ARHGEF3: variants seen among roughly 807,000 people sequenced by gnomAD.
The protein encoded by ARHGEF3 is Rho guanine nucleotide exchange factor 3.
In ARHGEF3, 28 loss-of-function variants were observed where a neutral mutation model predicts 63.2. The ratio of observed to expected loss-of-function variants is 0.44; its 90% CI spans 0.33 to 0.61. The LOEUF (loss-of-function observed/expected upper bound fraction) is 0.61, where lower values mean the gene tolerates loss of function less well. ARHGEF3 is among the 20% of genes least tolerant of loss of function. The pLI is 0.03. For missense variants in ARHGEF3, 533 were observed against 659.3 expected (o/e 0.81, Z 2.10); for synonymous variants, 266 against 254.2 (o/e 1.05, Z -0.44).
chr3:56,914,359 G>C (rs899439215), intron 3 of ARHGEF3, among the ~76,000 whole-genome samples: 9 of 152,292 alleles, frequency 5.9e-5, no homozygotes, highest in African/African-American at 1.9e-4. Flanking sequence ...AAACATGAAA[G>C]CAACCCAAGG....
chr3:56,975,345 G>C (rs1242304499), intron 2 of ARHGEF3, among the ~76,000 whole-genome samples: 1 of 152,056 alleles, frequency 6.6e-6, no homozygotes, highest in Non-Finnish European at 1.5e-5. Flanking sequence ...TTGAACCCAG[G>C]AGGTGGAGGT....
At chr3:57,002,523 G>GTTATATATATATATGTTATATATATA (rs1560123186) in intron 2 of ARHGEF3, among the ~76,000 whole-genome samples, 1 of 27,628 alleles carries the variant, frequency 3.6e-5, no homozygotes, top group African/African-American at 9.2e-5. Flanking sequence ...TGTTATATAT[G>GTTATATATATATATGTTATATATATA]TATGTTATAT....
intron 1 of ARHGEF3, among the ~76,000 whole-genome samples, chr3:56,798,718 G>C (rs1307086975): frequency 6.6e-6 from 1 of 152,054 alleles, no homozygotes; most frequent in Non-Finnish European, 1.5e-5. Flanking sequence ...GGAAGTAGAT[G>C]ACCAATAAAT....
chr3:56,816,528 G>T (rs970058665), intron 4 of ARHGEF3, among the ~76,000 whole-genome samples: 1 of 152,108 alleles, frequency 6.6e-6, no homozygotes, highest in South Asian at 2.1e-4. Context: ...CTTGTACAAG[G>T]CTACATCCCC....
intron 1 of ARHGEF3, among the ~76,000 whole-genome samples, chr3:57,065,723 G>A (rs1404592491): frequency 6.6e-6 from 1 of 152,180 alleles, no homozygotes; most frequent in Non-Finnish European, 1.5e-5. Flanking sequence ...TACAGTTTCT[G>A]TGGCCAGTGA....
At chr3:56,794,258 G>T (rs367819272) in intron 1 of ARHGEF3, among the ~76,000 whole-genome samples, 11 of 152,058 alleles carry the variant, frequency 7.2e-5, no homozygotes, top group Non-Finnish European at 7.4e-5. Flanking sequence ...GAGGCCGAGG[G>T]GGGTGGATTA....
intron 3 of ARHGEF3, among the ~76,000 whole-genome samples, chr3:56,912,008 C>A (rs2041866826): frequency 6.6e-6 from 1 of 151,420 alleles, no homozygotes; most frequent in Non-Finnish European, 1.5e-5. Context: ...TATATATGTT[C>A]ATAAGCAGAA....
At position 56,754,873 on chromosome 3, in the gene ARHGEF3, C is replaced by G. The variant is rs569066115; in HGVS notation, c.375+108G>C. ...ACACTCTTGTTTATCCTTCTGCAAACGCAATGAAGAATTGATTTGGAGACT... is the reference window on the plus strand; with the variant it reads ...ACACTCTTGTTTATCCTTCTGCAAAGGCAATGAAGAATTGATTTGGAGACT... On this transcript the variant is annotated intron_variant, in intron 3 of 9. Coordinates refer to ENST00000296315, the MANE Select transcript of ARHGEF3 (RefSeq NM_019555.3). 2.8e-6 allele frequency: 4 copies of G among 1,421,510 alleles called. No homozygotes were observed. The Admixed American group carries it at 7.8e-5, about 28-fold the overall frequency. 88.1% of individuals were successfully genotyped at this position (1,421,510 alleles called of 1,614,324 possible).
At chr3:56,770,313 G>T (rs2035934323) in intron 2 of ARHGEF3, among the ~76,000 whole-genome samples, 1 of 152,098 alleles carries the variant, frequency 6.6e-6, no homozygotes, top group Non-Finnish European at 1.5e-5. Context: ...GGGAGGCTGA[G>T]GCAGGAGAAT....
chr3:57,020,945 A>G (rs1028282133), intron 2 of ARHGEF3, among the ~76,000 whole-genome samples: 8 of 152,246 alleles, frequency 5.3e-5, no homozygotes, highest in African/African-American at 1.9e-4. Context: ...TTTGCAGATA[A>G]TAAGCATTCA....
At chr3:56,973,818 A>C (rs951142282) in intron 2 of ARHGEF3, among the ~76,000 whole-genome samples, 2 of 152,358 alleles carry the variant, frequency 1.3e-5, no homozygotes, top group Admixed American at 1.3e-4. Context: ...CATTATTCAT[A>C]TAAAATACAA....
intron 2 of ARHGEF3, among the ~76,000 whole-genome samples, chr3:56,760,454 C>T (rs890697200): frequency 6.6e-6 from 1 of 152,178 alleles, no homozygotes; most frequent in Non-Finnish European, 1.5e-5. Flanking sequence ...ACTAGGTGAG[C>T]TCTACCACTA....
intron 4 of ARHGEF3, among the ~76,000 whole-genome samples, chr3:56,843,693 A>C (rs1439926955): frequency 6.6e-6 from 1 of 152,044 alleles, no homozygotes; most frequent in African/African-American, 2.4e-5. Context: ...CATAGTGTAG[A>C]TGTTTTTTAT....
chr3:57,048,543 A>C (rs1260960059), intron 1 of ARHGEF3, among the ~76,000 whole-genome samples: 1 of 152,072 alleles, frequency 6.6e-6, no homozygotes, highest in Non-Finnish European at 1.5e-5. Context: ...AGAGGCAGAC[A>C]ATGGAAATAG....
chr3:56,892,704 A>G (rs958361150), intron 3 of ARHGEF3, among the ~76,000 whole-genome samples: 5 of 152,248 alleles, frequency 3.3e-5, no homozygotes, highest in African/African-American at 9.6e-5. Flanking sequence ...CAAAGTGCTC[A>G]TCATCCACAA....
chr3:56,860,074 A>C (rs180895281), intron 4 of ARHGEF3, among the ~76,000 whole-genome samples: 13 of 141,442 alleles, frequency 9.2e-5, no homozygotes, highest in African/African-American at 3.2e-4. Flanking sequence ...ATAGATCGAT[A>C]GATAGATAAA....
At chr3:56,964,860 G>A (rs1700424848) in intron 2 of ARHGEF3, among the ~76,000 whole-genome samples, 1 of 152,080 alleles carries the variant, frequency 6.6e-6, no homozygotes. Flanking sequence ...TAAAAAGGCA[G>A]AAGGGAAAAG....
chr3:57,042,939 T>A (rs11916883), intron 1 of ARHGEF3, among the ~76,000 whole-genome samples: 13 of 150,410 alleles, frequency 8.6e-5, no homozygotes, highest in Non-Finnish European at 1.8e-4. Context: ...CCTCGTGATC[T>A]GCCCTCCTCA....
intron 2 of ARHGEF3, among the ~76,000 whole-genome samples, chr3:56,978,476 TA>T (rs1265806337): frequency 6.6e-6 from 1 of 152,006 alleles, no homozygotes; most frequent in African/African-American, 2.4e-5. Flanking sequence ...GCTCACAAAA[TA>T]AAAAACCCAA....
Sources: allele counts gnomAD v4.1 joint callset (sites outside exome capture counted in the v4.1 genomes callset), GRCh38; gene constraint gnomAD v4.1.1; transcripts MANE v1.5; gene names NCBI Gene and HGNC (gene_info 2026-07-23, HGNC 2026-07-21).